SYNDIG1: variants seen among roughly 807,000 people sequenced by gnomAD.
The protein encoded by SYNDIG1 is synapse differentiation-inducing gene protein 1.
SYNDIG1 carries 9 observed loss-of-function variants against 19.4 expected under a neutral mutation model. That is an observed-to-expected ratio of 0.46 (90% confidence interval 0.28 to 0.81). The LOEUF is 0.81. Ranked by LOEUF, SYNDIG1 falls within the 30% of genes least tolerant of loss-of-function variation. SYNDIG1 has a pLI of 0.12. For missense variants in SYNDIG1, 311 were observed against 343.3 expected, an observed-to-expected ratio of 0.91 and a Z score of 0.74; for synonymous variants, 141 against 145.9, an observed-to-expected ratio of 0.97 and a Z score of 0.24.
At chr20:24,516,554 GAC>G (rs2146505196) in intron 1 of SYNDIG1, among the ~76,000 whole-genome samples, 1 of 152,238 alleles carries the variant, frequency 6.6e-6, no homozygotes, top group South Asian at 2.1e-4. Flanking sequence ...GCAGCCAACA[GAC>G]ACATGAAAAA....
intron 1 of SYNDIG1, among the ~76,000 whole-genome samples, chr20:24,471,866 G>T (rs936290576): frequency 2.6e-5 from 4 of 152,112 alleles, no homozygotes; most frequent in African/African-American, 9.7e-5. Flanking sequence ...ATTCAGTCAT[G>T]ACACATTGTA....
chr20:24,518,273 G>T (rs972701776), intron 1 of SYNDIG1, among the ~76,000 whole-genome samples: 1 of 152,082 alleles, frequency 6.6e-6, no homozygotes, highest in African/African-American at 2.4e-5. Context: ...ATTCTCGGGA[G>T]CAAGCAGGGG....
chr20:24,543,197 G>T lies in SYNDIG1; in HGVS notation c.100G>T (p.Glu34Ter). 1.2e-6 allele frequency: 2 copies of T among 1,614,064 alleles called. No individual in the cohort carries two copies. Among genetic ancestry groups the T allele is most frequent in the Non-Finnish European group, 1.7e-6 (2 of 1,180,004 alleles). Residue 34 changes from glutamate to a stop codon, truncating the protein, a stop_gained, in exon 2 of 4, where the codon GAG (glutamate) becomes TAG (stop). Coordinates refer to ENST00000376862, the MANE Select transcript of SYNDIG1 (RefSeq NM_024893.3). LOFTEE classifies it high-confidence loss of function. Reference sequence around the variant, plus strand: ...AATTAACACCAGAAACTTGATGGCCGAGAGCAGAGATGGTCTGGTGTCTGT... The same window carrying T: ...AATTAACACCAGAAACTTGATGGCCTAGAGCAGAGATGGTCTGGTGTCTGT... The part of the protein sequence containing the change: ...GLINTRNLMA[E>*]SRDGLVSVYP...
intron 1 of SYNDIG1, among the ~76,000 whole-genome samples, chr20:24,479,223 C>G (rs1435012619): frequency 2.0e-5 from 3 of 152,174 alleles, no homozygotes; most frequent in Non-Finnish European, 2.9e-5. Flanking sequence ...TGGCCCAGCC[C>G]TGGAGAGTGA....
At chr20:24,550,096 C>G (rs577825265) in intron 2 of SYNDIG1, among the ~76,000 whole-genome samples, 1 of 152,310 alleles carries the variant, frequency 6.6e-6, no homozygotes, top group East Asian at 1.9e-4. Context: ...AATGCCTTTT[C>G]TCACTTAGGG....
chr20:24,660,483 C>T (rs1167120498), intron 3 of SYNDIG1, among the ~76,000 whole-genome samples: 1 of 152,196 alleles, frequency 6.6e-6, no homozygotes, highest in Non-Finnish European at 1.5e-5. Context: ...GCACACACAG[C>T]AGGCCTGGCC....
rs957738414 is a variant in SYNDIG1 at position 24,543,220 on chromosome 20, T to C, written c.123T>C (p.Ser41=). 17 of 1,613,838 alleles carry C rather than the reference T, an allele frequency of 1.1e-5. No homozygotes were observed. Among genetic ancestry groups the C allele is most frequent in the Non-Finnish European group, 1.4e-5 (16 of 1,180,020 alleles). ...LMAESRDGLV[S]VYPAPQYQSH... is the part of the protein sequence containing the mutation. ...CCGAGAGCAGAGATGGTCTGGTGTCTGTTTACCCAGCGCCCCAGTACCAGA... is the reference window on the plus strand; with the variant it reads ...CCGAGAGCAGAGATGGTCTGGTGTCCGTTTACCCAGCGCCCCAGTACCAGA... The change falls in exon 2 of 4, where the codon TCT becomes TCC. Residue 41 remains serine (S), a synonymous_variant. Transcript: ENST00000376862.
chr20:24,603,857 G>A (rs918254047), intron 3 of SYNDIG1, among the ~76,000 whole-genome samples: 5 of 152,184 alleles, frequency 3.3e-5, no homozygotes, highest in Non-Finnish European at 7.3e-5. Context: ...ATGGGGAGAA[G>A]AATATCTGAA....
In SYNDIG1 at chr20:24,572,370, C is replaced by T. The variant is rs547165719; in HGVS notation, c.481-12486C>T. On this transcript the variant is annotated intron_variant, in intron 2 of 3. Coordinates refer to ENST00000376862, the MANE Select transcript of SYNDIG1 (RefSeq NM_024893.3). ...GAGCTCAGAGAGACTGGGCGGGAGG[C>T]TCCTGGAATCACCTGAACTCAGGGT... Among the ~76,000 whole-genome samples the T allele has an allele frequency of 3.5e-4, 53 of 152,336 alleles. 2 individuals carry two copies. The South Asian group carries it at 0.011, about 32-fold the overall frequency.
intron 3 of SYNDIG1, among the ~76,000 whole-genome samples, chr20:24,608,604 C>T (rs1159943064): frequency 6.6e-6 from 1 of 152,166 alleles, no homozygotes. Flanking sequence ...TAACAAGATG[C>T]TTGGGAGGAA....
intron 1 of SYNDIG1, among the ~76,000 whole-genome samples, chr20:24,517,122 AG>A (rs1197233957): frequency 6.6e-6 from 1 of 152,086 alleles, no homozygotes; most frequent in Non-Finnish European, 1.5e-5. Flanking sequence ...GGACACAGGA[AG>A]GGGAACATCA....
intron 3 of SYNDIG1, among the ~76,000 whole-genome samples, chr20:24,626,189 CGGA>C (rs2059129202): frequency 7.6e-6 from 1 of 132,180 alleles, no homozygotes; most frequent in Non-Finnish European, 1.6e-5. Flanking sequence ...ACCTCCCTCC[CGGA>C]CGGGGCGGCT....
intron 2 of SYNDIG1, among the ~76,000 whole-genome samples, chr20:24,556,372 C>A (rs537659329): frequency 6.2e-4 from 94 of 152,254 alleles, no homozygotes; most frequent in Admixed American, 1.4e-3. Flanking sequence ...TTATTTTGCT[C>A]GTTAGTTGAT....
At chr20:24,565,932 T>TTGTG (rs369432157) in intron 2 of SYNDIG1, among the ~76,000 whole-genome samples, 45 of 150,782 alleles carry the variant, frequency 3.0e-4, no homozygotes, top group East Asian at 9.7e-4. Context: ...ATGCCATTAT[T>TTGTG]TGTGTGTGTG....
intron 1 of SYNDIG1, among the ~76,000 whole-genome samples, chr20:24,506,823 C>T (rs2056603726): frequency 6.6e-6 from 1 of 152,226 alleles, no homozygotes; most frequent in Admixed American, 6.5e-5. Flanking sequence ...TACCTGAGCC[C>T]TGTGGGCCCC....
intron 3 of SYNDIG1, among the ~76,000 whole-genome samples, chr20:24,654,805 G>A (rs1331418532): frequency 6.6e-6 from 1 of 152,182 alleles, no homozygotes; most frequent in Non-Finnish European, 1.5e-5. Flanking sequence ...AGCAGCTGCA[G>A]CAGTGAAGGG....
At chr20:24,526,141 ATGTC>A (rs1450798292) in intron 1 of SYNDIG1, among the ~76,000 whole-genome samples, 2 of 151,770 alleles carry the variant, frequency 1.3e-5, no homozygotes, top group African/African-American at 4.8e-5. Context: ...TAAATAACAT[ATGTC>A]TGGATATTAT....
At chr20:24,615,170 G>T (rs1216048452) in intron 3 of SYNDIG1, among the ~76,000 whole-genome samples, 1 of 152,218 alleles carries the variant, frequency 6.6e-6, no homozygotes, top group Non-Finnish European at 1.5e-5. Context: ...GGTCCACACA[G>T]CATTTTGTCC....
intron 2 of SYNDIG1, among the ~76,000 whole-genome samples, chr20:24,546,205 G>A (rs918097016): frequency 2.6e-5 from 4 of 152,172 alleles, no homozygotes; most frequent in Admixed American, 2.0e-4. Flanking sequence ...CCCTTCTTCG[G>A]TAATTAACAA....
Sources: allele counts gnomAD v4.1 joint callset (sites outside exome capture counted in the v4.1 genomes callset), GRCh38; gene constraint gnomAD v4.1.1; transcripts MANE v1.5; gene names NCBI Gene and HGNC (gene_info 2026-07-23, HGNC 2026-07-21).